PPP6C: variants seen among roughly 807,000 people sequenced by gnomAD.
The protein encoded by PPP6C is serine/threonine-protein phosphatase 6 catalytic subunit.
In PPP6C, 11 loss-of-function variants were observed where a neutral mutation model predicts 39.8. That is an observed-to-expected ratio of 0.28 (90% CI 0.17 to 0.46). PPP6C has a LOEUF of 0.46. PPP6C is among the 20% of genes least tolerant of loss of function. The pLI is 1.00. For synonymous variants in PPP6C, 129 were observed against 130.3 expected (o/e 0.99, Z 0.07); for missense variants, 211 against 373.9 (o/e 0.56, Z 3.59).
intron 1 of PPP6C, among the ~76,000 whole-genome samples, chr9:125,188,181 C>G (rs1262697910): frequency 6.6e-6 from 1 of 151,366 alleles, no homozygotes; most frequent in Admixed American, 6.6e-5. Flanking sequence ...TTCAGGAGAT[C>G]GAGACCATCC....
chr9:125,167,194 A>C (rs1829034665), intron 2 of PPP6C, among the ~76,000 whole-genome samples: 1 of 151,690 alleles, frequency 6.6e-6, no homozygotes, highest in Non-Finnish European at 1.5e-5. Context: ...CAGCCTGGCC[A>C]ACAGGGCAAA....
At chr9:125,150,610 G>A (rs185974351) in intron 6 of PPP6C, 1 of 869,896 alleles carries the variant, frequency 1.1e-6, no homozygotes, top group Non-Finnish European at 1.8e-6. Flanking sequence ...CAGCAGCAGT[G>A]ATCACTTAGT....
chr9:125,188,774 ACT>A (rs1424669097), intron 1 of PPP6C: 1 of 255,868 alleles, frequency 3.9e-6, no homozygotes, highest in East Asian at 1.2e-4. Context: ...ACAGAGTGAG[ACT>A]CTATCTCAGT....
chr9:125,162,348 C>T (rs566141357), intron 2 of PPP6C, among the ~76,000 whole-genome samples: 1 of 150,794 alleles, frequency 6.6e-6, no homozygotes, highest in South Asian at 2.1e-4. Context: ...ATCCCAGCTA[C>T]CTGGGAGGCT....
At chr9:125,186,632 C>G (rs568908607) in intron 1 of PPP6C, among the ~76,000 whole-genome samples, 1 of 151,770 alleles carries the variant, frequency 6.6e-6, no homozygotes, top group Non-Finnish European at 1.5e-5. Flanking sequence ...TGCCTGTGGT[C>G]CCAGCTTCTC....
intron 1 of PPP6C, among the ~76,000 whole-genome samples, chr9:125,188,312 G>C (rs934594632): frequency 6.6e-6 from 1 of 152,098 alleles, no homozygotes; most frequent in Non-Finnish European, 1.5e-5. Context: ...GTGAACCCGG[G>C]AGGCGGAGGT....
chr9:125,172,404 A>AC (rs1417479696), intron 1 of PPP6C, among the ~76,000 whole-genome samples: 1 of 151,930 alleles, frequency 6.6e-6, no homozygotes, highest in African/African-American at 2.4e-5. Context: ...TAGTAGTTTC[A>AC]CCATGTTGGT....
intron 1 of PPP6C, among the ~76,000 whole-genome samples, chr9:125,175,455 A>G (rs1045815853): frequency 3.3e-5 from 5 of 151,656 alleles, no homozygotes; most frequent in African/African-American, 9.7e-5. Flanking sequence ...TGGCTAACAC[A>G]GTGAAACCCC....
Position 125,189,654 on chromosome 9 carries a change from T to C in PPP6C, c.65A>G (p.Asn22Ser). 5 of 1,612,916 alleles carry C rather than the reference T, an allele frequency of 3.1e-6. No individual in the cohort carries two copies. The South Asian group carries it at 5.5e-5, about 18-fold the overall frequency. ...GCAAATAGGGCTCACCTTCAGGTCG[T>C]TCTCTGGCAGGTACTTGCACAGCCG... ...IARLCKYLPE[N>S]DLKRLCDYVC... Residue 22 changes from asparagine to serine, a missense_variant, in exon 1 of 7, where the codon AAC becomes AGC. By Grantham distance (46) the Asn-to-Ser change is conservative. Transcript: ENST00000373547.
Position 125,168,480 on chromosome 9 carries a change from C to T in PPP6C, c.171+2605G>A, listed in dbSNP as rs143205560. Among the ~76,000 whole-genome samples, 19 of 152,202 alleles carry T rather than the reference C, an allele frequency of 1.2e-4. No individual in the cohort carries two copies. The East Asian group carries it at 2.5e-3, about 20-fold the overall frequency. On this transcript the variant is annotated intron_variant, in intron 2 of 6. Transcript: ENST00000373547. Reference sequence around the variant, plus strand: ...TCTTCTGTTTTTCATTTTTTTGAGACGGAGTTTCGCTCTTGTTGCCCAGGC... The same window carrying T: ...TCTTCTGTTTTTCATTTTTTTGAGATGGAGTTTCGCTCTTGTTGCCCAGGC...
chr9:125,188,984 T>C, intron 1 of PPP6C: 1 of 1,495,244 alleles, frequency 6.7e-7, no homozygotes, highest in East Asian at 2.5e-5. Flanking sequence ...AGTATTTGTA[T>C]TTATTGAGAA....
chr9:125,172,475 G>T (rs1464761111), intron 1 of PPP6C, among the ~76,000 whole-genome samples: 3 of 152,088 alleles, frequency 2.0e-5, no homozygotes, highest in Non-Finnish European at 4.4e-5. Context: ...CCAAAGTGGT[G>T]GGATTACAGG....
intron 3 of PPP6C, among the ~76,000 whole-genome samples, chr9:125,158,813 C>T (rs906689806): frequency 1.3e-5 from 2 of 151,792 alleles, no homozygotes; most frequent in African/African-American, 2.4e-5. Flanking sequence ...AGGTACAAGC[C>T]GCCACCACAC....
chr9:125,153,455 G>A, intron 6 of PPP6C, 78 bp downstream of exon 6: 1 of 1,361,310 alleles, frequency 7.3e-7, no homozygotes, highest in South Asian at 1.3e-5. Context: ...CTACAAGTTT[G>A]TTATCTAGGG....
chr9:125,167,397 A>AGAAAAAAAAAAAC (rs1829043878), intron 2 of PPP6C, among the ~76,000 whole-genome samples: 2 of 129,518 alleles, frequency 1.5e-5, no homozygotes, highest in African/African-American at 5.9e-5. Context: ...AAAAAAAAAA[A>AGAAAAAAAAAAAC]AAGAAATAAA....
At position 125,151,515 on chromosome 9, in the gene PPP6C, T is replaced by G. The variant is rs1451947784; in HGVS notation, c.670-1594A>C. The G allele has an allele frequency of 2.9e-5, 23 of 798,382 alleles. No homozygotes were observed. In the African/African-American group the frequency reaches 3.2e-4, roughly 11 times the overall value. 49.5% of individuals were successfully genotyped at this position (798,382 alleles called of 1,614,324 possible). The stretch of plus-strand genomic sequence containing the variant: ...AAAATACAGGTGATCAACATCTCTA[T>G]GAGCCTTGCAGAAGCCATCAGGAAA... On this transcript the variant is annotated intron_variant, in intron 6 of 6. Transcript: ENST00000373547.
Position 125,153,968 on chromosome 9 carries a change from A to G in PPP6C, c.397T>C (p.Tyr133His). Reference protein sequence around the residue: ...YGFYDECQTKYGNANAWRYCT... With the variant: ...YGFYDECQTKHGNANAWRYCT... ...TATCTCCAGGCATTAGCATTTCCATATTTGGTTTGGCACTCATCTGTGAAA... is the reference window on the plus strand; with the variant it reads ...TATCTCCAGGCATTAGCATTTCCATGTTTGGTTTGGCACTCATCTGTGAAA... Residue 133 changes from tyrosine (Y) to histidine (H), a missense_variant, in exon 5 of 7, where the codon TAT becomes CAT. Tyr to His is a moderately conservative substitution (Grantham distance 83). This residue lies in a region of PPP6C where 168 missense variants were observed against 342.6 expected (regional missense o/e 0.49). Coordinates refer to ENST00000373547, the MANE Select transcript of PPP6C (RefSeq NM_002721.5). 1 of 1,610,044 alleles carries G rather than the reference A, an allele frequency of 6.2e-7. No individual in the cohort carries two copies. Among genetic ancestry groups the G allele is most frequent in the South Asian group, 1.1e-5 (1 of 90,894 alleles).
At chr9:125,185,497 C>T (rs1352559086) in intron 1 of PPP6C, among the ~76,000 whole-genome samples, 1 of 151,056 alleles carries the variant, frequency 6.6e-6, no homozygotes, top group Non-Finnish European at 1.5e-5. Context: ...AGTTTGAGAC[C>T]AGCCTGGCCA....
At chr9:125,155,362 T>C (rs1836042493) in intron 4 of PPP6C, among the ~76,000 whole-genome samples, 1 of 152,164 alleles carries the variant, frequency 6.6e-6, no homozygotes, top group Admixed American at 6.5e-5. Flanking sequence ...CTGCAGGTTA[T>C]GACCAATCCC....
Sources: allele counts gnomAD v4.1 joint callset (sites outside exome capture counted in the v4.1 genomes callset), GRCh38; gene constraint gnomAD v4.1.1; regional missense constraint gnomAD v4.1.1; transcripts MANE v1.5; gene names NCBI Gene and HGNC (gene_info 2026-07-23, HGNC 2026-07-21).